The following NEK11 variants were observed in gnomAD, a reference collection of about 807,000 sequenced individuals.
NEK11 encodes the protein serine/threonine-protein kinase Nek11.
A neutral mutation model predicts 80.7 loss-of-function variants in NEK11; 72 were observed. The observed-to-expected ratio is 0.89, with a 90% CI of 0.74 to 1.08. The LOEUF (loss-of-function observed/expected upper bound fraction) is 1.08, where lower values mean the gene tolerates loss of function less well. Among genes scored for constraint, NEK11 ranks in the 50% least tolerant of loss-of-function variants. The pLI, the probability that NEK11 is intolerant of heterozygous loss-of-function variation, is 0.00. For synonymous variants in NEK11, 251 were observed against 260.7 expected (o/e 0.96, Z 0.36); for missense variants, 764 against 763.6 (o/e 1.00, Z -0.01).
At chr3:131,242,287 G>C (rs2095531764) in intron 15 of NEK11, among the ~76,000 whole-genome samples, 1 of 152,094 alleles carries the variant, frequency 6.6e-6, no homozygotes, top group Non-Finnish European at 1.5e-5. Flanking sequence ...GGAGGAAGGA[G>C]ACTTGAAGAA....
intron 17 of NEK11, among the ~76,000 whole-genome samples, chr3:131,295,292 G>T (rs1480180303): frequency 6.7e-6 from 1 of 149,936 alleles, no homozygotes; most frequent in African/African-American, 2.4e-5. Context: ...TTTCAGATTT[G>T]GGATTTTTTT....
At chr3:131,227,002 A>C (rs952453326) in intron 14 of NEK11, among the ~76,000 whole-genome samples, 1 of 151,738 alleles carries the variant, frequency 6.6e-6, no homozygotes, top group African/African-American at 2.4e-5. Flanking sequence ...CCATAACAGT[A>C]TTCTATCTCA....
chr3:131,271,532 C>T (rs1050677751), intron 16 of NEK11, among the ~76,000 whole-genome samples: 10 of 152,154 alleles, frequency 6.6e-5, no homozygotes, highest in African/African-American at 1.7e-4. Flanking sequence ...GGGTGGCTCA[C>T]GCCTGTAATC....
At chr3:131,047,147 G>A (rs987228386) in intron 3 of NEK11, among the ~76,000 whole-genome samples, 1 of 151,910 alleles carries the variant, frequency 6.6e-6, no homozygotes, top group African/African-American at 2.4e-5. Flanking sequence ...ACTTTATTAT[G>A]TATTCTATTT....
At chr3:131,212,089 C>T (rs1031525245) in intron 14 of NEK11, among the ~76,000 whole-genome samples, 2 of 152,184 alleles carry the variant, frequency 1.3e-5, no homozygotes, top group Admixed American at 6.5e-5. Flanking sequence ...CGTTTCTCCC[C>T]ATCTTTGTGG....
chr3:131,118,355 G>A (rs961292696), intron 5 of NEK11, among the ~76,000 whole-genome samples: 1 of 152,196 alleles, frequency 6.6e-6, no homozygotes, highest in Admixed American at 6.5e-5. Context: ...GCTTCTTGAT[G>A]TGCTGTTGGA....
At chr3:131,240,102 T>G (rs1385201968) in intron 15 of NEK11, among the ~76,000 whole-genome samples, 1 of 152,164 alleles carries the variant, frequency 6.6e-6, no homozygotes, top group Non-Finnish European at 1.5e-5. Flanking sequence ...TTTTTTCCCT[T>G]TAACTCATTT....
chr3:131,208,837 T>A (rs1459091157), intron 14 of NEK11, among the ~76,000 whole-genome samples: 2 of 152,222 alleles, frequency 1.3e-5, no homozygotes, highest in Admixed American at 1.3e-4. Context: ...TTTGCTGAAG[T>A]TGCTTATCAG....
At position 131,338,174 on chromosome 3, in the gene NEK11, C is replaced by T. The variant is rs552982276; in HGVS notation, c.1719-11383C>T. Among the ~76,000 whole-genome samples the T allele has an allele frequency of 2.6e-5, 4 of 151,698 alleles. No individual in the cohort carries two copies. In the East Asian group the frequency reaches 5.8e-4, roughly 22 times the overall value. On this transcript the variant is annotated intron_variant, in intron 17 of 17. Coordinates refer to ENST00000383366, the MANE Select transcript of NEK11 (RefSeq NM_024800.5). ...TAGAGACGGGGTTTCACCATATTGGCCAGGATGGTCTTGATCTCCTGCCCT... is the reference window on the plus strand; with the variant it reads ...TAGAGACGGGGTTTCACCATATTGGTCAGGATGGTCTTGATCTCCTGCCCT...
Position 131,192,712 on chromosome 3 carries a change from T to C in NEK11, c.1399+21825T>C, listed in dbSNP as rs77010156. On this transcript the variant is annotated intron_variant, in intron 14 of 17. Transcript: ENST00000383366. ...GGGACAAATATTGCATAATTCTGCT[T>C]TAATGAGCTACGTATAGCAGCCAAA... Among the ~76,000 whole-genome samples the C allele has an allele frequency of 3.6e-3, 546 of 152,292 alleles. 10 individuals are homozygous for C. The highest frequency in any genetic ancestry group is 3.9e-3 in the Non-Finnish European group (262 of 68,022).
intron 17 of NEK11, among the ~76,000 whole-genome samples, chr3:131,333,851 A>G (rs1478912040): frequency 6.6e-6 from 1 of 152,208 alleles, no homozygotes; most frequent in Admixed American, 6.5e-5. Context: ...TAAACCAACA[A>G]AGATCAAAAG....
intron 3 of NEK11, among the ~76,000 whole-genome samples, chr3:131,058,961 G>GA (rs2070248615): frequency 6.6e-6 from 1 of 151,888 alleles, no homozygotes; most frequent in Non-Finnish European, 1.5e-5. Context: ...TTTTTCTTTT[G>GA]AAAAAATTAA....
At chr3:131,277,033 G>C (rs2096304523) in intron 17 of NEK11, among the ~76,000 whole-genome samples, 1 of 152,168 alleles carries the variant, frequency 6.6e-6, no homozygotes, top group Non-Finnish European at 1.5e-5. Context: ...CTGTGGGTTT[G>C]TCTGTTGTTT....
chr3:131,243,536 T>G, intron 16 of NEK11, 40 bp downstream of exon 16: 1 of 1,496,166 alleles, frequency 6.7e-7, no homozygotes, highest in Non-Finnish European at 9.3e-7. Flanking sequence ...CATTGACAGC[T>G]ACTGATTATC....
intron 17 of NEK11, among the ~76,000 whole-genome samples, chr3:131,311,194 TG>T (rs1455446762): frequency 6.6e-6 from 1 of 152,200 alleles, no homozygotes; most frequent in Non-Finnish European, 1.5e-5. Flanking sequence ...GCATTGAGTG[TG>T]TAATAAGTCA....
At chr3:131,229,960 C>A (rs914820740) in intron 15 of NEK11, among the ~76,000 whole-genome samples, 2 of 152,218 alleles carry the variant, frequency 1.3e-5, no homozygotes, top group Non-Finnish European at 1.5e-5. Context: ...TGGAAAACAA[C>A]AGCACCTCCT....
intron 10 of NEK11, among the ~76,000 whole-genome samples, chr3:131,161,091 G>C (rs551222974): frequency 7.5e-4 from 112 of 149,108 alleles, no homozygotes; most frequent in Non-Finnish European, 1.5e-3. Context: ...GCTGAGGTTG[G>C]AGTGAGCCGA....
At chr3:131,239,123 A>T (rs1252395687) in intron 15 of NEK11, among the ~76,000 whole-genome samples, 1 of 151,960 alleles carries the variant, frequency 6.6e-6, no homozygotes, top group East Asian at 1.9e-4. Context: ...GGAAAAAAAA[A>T]ACATGGGTCC....
chr3:131,176,316 C>T (rs186036095), intron 14 of NEK11, among the ~76,000 whole-genome samples: 72 of 152,312 alleles, frequency 4.7e-4, no homozygotes, highest in Non-Finnish European at 7.8e-4. Flanking sequence ...GGGTTACTTC[C>T]ACATTCCTAG....
Sources: allele counts gnomAD v4.1 joint callset (sites outside exome capture counted in the v4.1 genomes callset), GRCh38; gene constraint gnomAD v4.1.1; transcripts MANE v1.5; gene names NCBI Gene and HGNC (gene_info 2026-07-23, HGNC 2026-07-21).